FOXN3: variants seen among roughly 807,000 people sequenced by gnomAD.
FOXN3 encodes the protein forkhead box protein N3.
Under a neutral mutation model 38.4 loss-of-function variants are expected in FOXN3, and 7 were observed. That is an observed-to-expected ratio of 0.18 (90% CI 0.10 to 0.34). FOXN3 has a LOEUF of 0.34. Ranked by LOEUF, FOXN3 falls within the 10% of genes least tolerant of loss-of-function variation. The probability of loss-of-function intolerance (pLI) is 1.00; values close to 1 mark genes in which losing one functional copy is unlikely to be tolerated. For missense variants in FOXN3, 456 were observed against 613.4 expected (o/e 0.74, Z 2.71); for synonymous variants, 230 against 242.2 (o/e 0.95, Z 0.47).
chr14:89,430,197 C>G (rs2140113050), intron 1 of FOXN3, among the ~76,000 whole-genome samples: 1 of 152,306 alleles, frequency 6.6e-6, no homozygotes, highest in Non-Finnish European at 1.5e-5. Context: ...CAACAATGCA[C>G]AAAGGCAAAA....
At chr14:89,328,585 A>G (rs1274220162) in intron 3 of FOXN3, among the ~76,000 whole-genome samples, 1 of 148,772 alleles carries the variant, frequency 6.7e-6, no homozygotes, top group Non-Finnish European at 1.5e-5. Context: ...CTGGATGAAT[A>G]GGAGAAGAGA....
rs1566648624 is a variant in FOXN3 at position 89,416,909 on chromosome 14, G to A, written c.-53C>T. 1 of 151,576 alleles carries A rather than the reference G, an allele frequency of 6.6e-6. No individual in the cohort carries two copies. Among genetic ancestry groups the A allele is most frequent in the African/African-American group, 2.4e-5 (1 of 41,348 alleles). 9.4% of individuals were successfully genotyped at this position (151,576 alleles called of 1,614,324 possible). ...GGCACGGGGGTGCGGGGGCGCCGCT[G>A]CCCTTCAGCAGGAGCCGACAAACTT... On this transcript the variant is annotated 5_prime_UTR_variant, in exon 1 of 6. It introduces an in-frame stop codon into an upstream open reading frame of the 5' UTR. Transcript: ENST00000557258.
intron 1 of FOXN3, among the ~76,000 whole-genome samples, chr14:89,557,876 C>G (rs1481504774): frequency 6.6e-6 from 1 of 151,966 alleles, no homozygotes; most frequent in Non-Finnish European, 1.5e-5. Context: ...CATGGTGGTG[C>G]GTGCCTGTAA....
At chr14:89,207,021 T>C (rs1284092213) in intron 4 of FOXN3, among the ~76,000 whole-genome samples, 2 of 151,888 alleles carry the variant, frequency 1.3e-5, no homozygotes, top group Admixed American at 1.3e-4. Flanking sequence ...AGAACAACAA[T>C]AGTAGTAGCA....
At position 89,444,518 on chromosome 14, in the gene FOXN3, T is replaced by G. The variant is rs949214864; in HGVS notation, c.-14-32028A>C. 7.2e-5 allele frequency among the ~76,000 whole-genome samples: 11 copies of G among 152,274 alleles called. No homozygotes were observed. The South Asian group carries it at 2.1e-3, about 29-fold the overall frequency. On this transcript the variant is annotated intron_variant, in intron 1 of 6. Coordinates refer to the FOXN3 transcript ENST00000345097. Reference sequence around the variant, plus strand: ...AAGGTGTAATAGTTGGCCTTTGATTTCTAATCACAAGTAGGAGAAACGGTT... The same window carrying G: ...AAGGTGTAATAGTTGGCCTTTGATTGCTAATCACAAGTAGGAGAAACGGTT...
intron 4 of FOXN3, among the ~76,000 whole-genome samples, chr14:89,261,930 A>AAAAAC (rs559811426): frequency 7.9e-5 from 12 of 152,218 alleles, no homozygotes; most frequent in Admixed American, 1.3e-4. Flanking sequence ...CTCCGTCTCA[A>AAAAAC]AAAACAAAAC....
intron 1 of FOXN3, among the ~76,000 whole-genome samples, chr14:89,562,171 A>C (rs1295194204): frequency 1.3e-5 from 2 of 152,220 alleles, no homozygotes; most frequent in East Asian, 1.9e-4. Context: ...CAGATCGTAC[A>C]AAGTATTTTA....
chr14:89,486,544 G>A (rs1450639159), intron 1 of FOXN3: 1 of 152,170 alleles, frequency 6.6e-6, no homozygotes, highest in African/African-American at 2.4e-5. Context: ...AAAGCATGGC[G>A]AGCTGGGGAA....
At chr14:89,235,944 T>C (rs966062856) in intron 4 of FOXN3, among the ~76,000 whole-genome samples, 1 of 148,210 alleles carries the variant, frequency 6.7e-6, no homozygotes, top group Admixed American at 6.6e-5. Flanking sequence ...TTGGGGTGAT[T>C]TGTTATAGCA....
At chr14:89,524,446 G>A (rs570895666) in intron 1 of FOXN3, among the ~76,000 whole-genome samples, 2 of 120,370 alleles carry the variant, frequency 1.7e-5, no homozygotes, top group African/African-American at 6.0e-5. Context: ...AAAATCCAAA[G>A]CAGGCAAAAG....
At chr14:89,401,599 C>G (rs1466377238) in intron 2 of FOXN3, 1 of 456,036 alleles carries the variant, frequency 2.2e-6, no homozygotes. Context: ...TACCTTGATT[C>G]TTGGAGATTC....
intron 4 of FOXN3, among the ~76,000 whole-genome samples, chr14:89,234,242 A>G (rs905549686): frequency 2.6e-5 from 4 of 152,212 alleles, no homozygotes; most frequent in African/African-American, 9.7e-5. Flanking sequence ...GTTCTTCAAA[A>G]CAACAGAACT....
At chr14:89,224,810 G>A (rs1884580138) in intron 4 of FOXN3, among the ~76,000 whole-genome samples, 1 of 152,178 alleles carries the variant, frequency 6.6e-6, no homozygotes, top group Non-Finnish European at 1.5e-5. Context: ...ACTAGCCTGG[G>A]TAACATAGCA....
chr14:89,276,258 C>T (rs184290583), intron 4 of FOXN3, among the ~76,000 whole-genome samples: 69 of 152,148 alleles, frequency 4.5e-4, no homozygotes, highest in African/African-American at 1.5e-3. Context: ...CCAGCCTGGG[C>T]GACAAGAGCA....
chr14:89,325,980 T>C (rs1888072449), intron 3 of FOXN3, among the ~76,000 whole-genome samples: 1 of 152,208 alleles, frequency 6.6e-6, no homozygotes, highest in African/African-American at 2.4e-5. Context: ...TGGGGAATTA[T>C]TAGAGACAGA....
At chr14:89,311,686 C>T (rs940172491) in intron 3 of FOXN3, among the ~76,000 whole-genome samples, 1 of 151,384 alleles carries the variant, frequency 6.6e-6, no homozygotes, top group Non-Finnish European at 1.5e-5. Context: ...ATTAGCCGGG[C>T]ATGGTGGCAC....
intron 4 of FOXN3, among the ~76,000 whole-genome samples, chr14:89,184,518 G>C (rs1887754100): frequency 6.6e-6 from 1 of 152,210 alleles, no homozygotes; most frequent in African/African-American, 2.4e-5. Context: ...GTTCCTACTG[G>C]AGACCACGTT....
rs12897296 is a variant in FOXN3 at position 89,446,999 on chromosome 14, C to T, written c.-14-34509G>A. On this transcript the variant is annotated intron_variant, in intron 1 of 6. Coordinates refer to the FOXN3 transcript ENST00000345097. Reference sequence around the variant, plus strand: ...ATCACCTGAGGTCGGGAGTTCGAGACCAGCCTGACTAACATGGAGAAACCC... The same window carrying T: ...ATCACCTGAGGTCGGGAGTTCGAGATCAGCCTGACTAACATGGAGAAACCC... 4.2e-3 allele frequency among the ~76,000 whole-genome samples: 636 copies of T among 152,242 alleles called. 5 individuals are homozygous for T. The highest frequency in any genetic ancestry group is 7.0e-3 in the Non-Finnish European group (476 of 68,024).
chr14:89,365,204 G>C (rs1238651091), intron 2 of FOXN3, among the ~76,000 whole-genome samples: 1 of 152,120 alleles, frequency 6.6e-6, no homozygotes, highest in Non-Finnish European at 1.5e-5. Flanking sequence ...CATTTTCACA[G>C]GGGGGAGGCT....
Sources: allele counts gnomAD v4.1 joint callset (sites outside exome capture counted in the v4.1 genomes callset), GRCh38; gene constraint gnomAD v4.1.1; transcripts MANE v1.5; gene names NCBI Gene and HGNC (gene_info 2026-07-23, HGNC 2026-07-21).